The following PEX2 variants were observed in gnomAD, a reference collection of about 807,000 sequenced individuals.
PEX2 encodes peroxisome biogenesis factor 2.
PEX2 carries 19 observed loss-of-function variants against 25.2 expected under a neutral mutation model. The observed-to-expected ratio is 0.75, with a 90% CI of 0.53 to 1.10. PEX2 has a LOEUF of 1.10. Ranked by LOEUF, PEX2 falls within the 50% of genes least tolerant of loss-of-function variation. The pLI is 0.00. For synonymous variants in PEX2, 141 were observed against 127.7 expected, an observed-to-expected ratio of 1.10 and a Z score of -0.70; for missense variants, 347 against 350.6, an observed-to-expected ratio of 0.99 and a Z score of 0.08.
intron 3 of PEX2, among the ~76,000 whole-genome samples, chr8:76,985,789 C>T (rs937964955): frequency 3.3e-5 from 5 of 152,180 alleles, no homozygotes; most frequent in African/African-American, 1.2e-4. Flanking sequence ...TTCGACAAGT[C>T]ATTTCCCCTG....
chr8:76,997,178 T>C (rs1310082947), intron 1 of PEX2, among the ~76,000 whole-genome samples: 2 of 152,188 alleles, frequency 1.3e-5, no homozygotes, highest in African/African-American at 4.8e-5. Flanking sequence ...TCACTATACA[T>C]GTGGTCAAAG....
At chr8:76,992,319 T>C (rs1266978769) in intron 1 of PEX2, among the ~76,000 whole-genome samples, 2 of 152,208 alleles carry the variant, frequency 1.3e-5, no homozygotes, top group African/African-American at 4.8e-5. Flanking sequence ...TTACAATATT[T>C]GACTCTAGGG....
chr8:76,981,868 C>CT lies in PEX2; in HGVS notation c.*1392dup, dbSNP rs1341611672. 6.6e-6 allele frequency: 1 copy of CT among 152,176 alleles called. No homozygotes were observed. The highest frequency in any genetic ancestry group is 1.5e-5 in the Non-Finnish European group (1 of 68,024). The allele number at this position is 152,176 out of a possible 1,614,324, so 9.4% of individuals were successfully genotyped here. ...AATACTCTTAACTCAAACTACAAAA[C>CT]TTCTTCAGTATCTTACACTAAATTG... On this transcript the variant is annotated 3_prime_UTR_variant, in exon 4 of 4. Transcript: ENST00000357039.
chr8:76,989,469 T>G (rs1186827666), intron 1 of PEX2, among the ~76,000 whole-genome samples: 1 of 152,162 alleles, frequency 6.6e-6, no homozygotes, highest in East Asian at 1.9e-4. Context: ...GTTTTCAATT[T>G]ACTTTGCCCA....
At chr8:76,985,643 A>C (rs1806980508) in intron 3 of PEX2, among the ~76,000 whole-genome samples, 1 of 152,216 alleles carries the variant, frequency 6.6e-6, no homozygotes, top group Admixed American at 6.5e-5. Context: ...CAAAAAAATT[A>C]AAATGGGCTA....
In PEX2 at chr8:76,983,922, T is replaced by C. The variant is rs754127143; in HGVS notation, c.257A>G (p.Lys86Arg). The change falls in exon 4 of 4, where the codon AAA becomes AGA. Residue 86 changes from lysine (K) to arginine (R), a missense_variant. Physicochemically the swap from Lys to Arg is conservative, Grantham distance 26. Coordinates refer to ENST00000357039, the MANE Select transcript of PEX2 (RefSeq NM_000318.3). ...TCTCAGGTTAGGGGAAAAATCATTT[T>C]TGTACTTAATATTCAAAACTGACTG... ...VGQSVLNIKY[K>R]NDFSPNLRYQ... is the part of the protein sequence containing the mutation. 6 of 1,614,218 alleles carry C rather than the reference T, an allele frequency of 3.7e-6. No individual in the cohort carries two copies. The highest frequency in any genetic ancestry group is 2.2e-5 in the East Asian group (1 of 44,886).
rs1806940857 is a variant in PEX2 at position 76,984,276 on chromosome 8, C to A, written c.-17-81G>T. On this transcript the variant is annotated intron_variant, in intron 3 of 3. Transcript: ENST00000357039. ...TCCTCAACTTATGCCTGGAAACTGT[C>A]ATACACAAATTACACAGGACACATA... is the stretch of plus-strand genomic sequence containing the variant. 20 of 1,150,560 alleles carry A rather than the reference C, an allele frequency of 1.7e-5. No homozygotes were observed. In the East Asian group the frequency reaches 4.4e-4, roughly 26 times the overall value. The allele number at this position is 1,150,560 out of a possible 1,614,324, so 71.3% of individuals were successfully genotyped here. A position where few individuals can be genotyped will look rare whatever the true frequency, so the allele number is the denominator to read the frequency against.
intron 1 of PEX2, among the ~76,000 whole-genome samples, chr8:76,995,739 A>G (rs754063036): frequency 1.3e-5 from 2 of 152,182 alleles, no homozygotes; most frequent in South Asian, 2.1e-4. Flanking sequence ...CAGAAACCTG[A>G]TACTTCTGAG....
rs1563603886 is a variant in PEX2, at chr8:76,980,801, A to G, written c.*2460T>C. The G allele has an allele frequency of 6.6e-6, 1 of 152,226 alleles. No homozygotes were observed. Among genetic ancestry groups the G allele is most frequent in the Non-Finnish European group, 1.5e-5 (1 of 68,038 alleles). 9.4% of individuals were successfully genotyped at this position (152,226 alleles called of 1,614,324 possible). A position where few individuals can be genotyped will look rare whatever the true frequency, so the allele number is the denominator to read the frequency against. ...GCACTACTATTATATTCTATTTACT[A>G]TGTGTCAGGCATTGTTTTAAGAGCT... is the stretch of plus-strand genomic sequence containing the variant. On this transcript the variant is annotated 3_prime_UTR_variant, in exon 4 of 4. Transcript: ENST00000357039.
chr8:76,991,074 G>A (rs961707789), intron 1 of PEX2, among the ~76,000 whole-genome samples: 5 of 152,150 alleles, frequency 3.3e-5, no homozygotes, highest in African/African-American at 7.2e-5. Flanking sequence ...CAAACTATGC[G>A]TTTCTCAGAA....
At chr8:76,985,301 G>C (rs1257893713) in intron 3 of PEX2, among the ~76,000 whole-genome samples, 1 of 152,114 alleles carries the variant, frequency 6.6e-6, no homozygotes, top group East Asian at 1.9e-4. Flanking sequence ...GGTTGGTAGG[G>C]GCTGGGAGGG....
At chr8:76,990,652 A>T (rs1807144016) in intron 1 of PEX2, among the ~76,000 whole-genome samples, 1 of 152,112 alleles carries the variant, frequency 6.6e-6, no homozygotes, top group African/African-American at 2.4e-5. Context: ...AACACCCAAT[A>T]TTTGTTAAGT....
intron 1 of PEX2, among the ~76,000 whole-genome samples, chr8:76,999,268 A>G (rs1005711994): frequency 2.6e-5 from 4 of 152,184 alleles, no homozygotes; most frequent in Non-Finnish European, 5.9e-5. Context: ...AGTTTAACAG[A>G]ATGTGTTAGA....
chr8:76,998,404 A>G (rs1348094381), intron 1 of PEX2, among the ~76,000 whole-genome samples: 3 of 152,244 alleles, frequency 2.0e-5, no homozygotes, highest in Admixed American at 6.5e-5. Flanking sequence ...GATATGGAGA[A>G]GAAGGAATAA....
chr8:76,982,134 C>G lies in PEX2; in HGVS notation c.*1127G>C, dbSNP rs540392915. The G allele has an allele frequency of 2.0e-5, 3 of 152,098 alleles. No homozygotes were observed. In the East Asian group the frequency reaches 5.8e-4, roughly 29 times the overall value. 9.4% of individuals were successfully genotyped at this position (152,098 alleles called of 1,614,324 possible). ...TTTTTAAAAAACATTCTAGTTAAGA[C>G]GAGATAATTCAATGTTCAAGCTAAT... On this transcript the variant is annotated 3_prime_UTR_variant, in exon 4 of 4. Coordinates refer to ENST00000357039, the MANE Select transcript of PEX2 (RefSeq NM_000318.3).
chr8:77,000,351 G>A, upstream of PEX2: 2 of 185,702 alleles, frequency 1.1e-5, no homozygotes, highest in Admixed American at 7.4e-5. Context: ...CCGGGTCAGG[G>A]GCCGCAAGTG....
chr8:76,991,055 T>C (rs527630410), intron 1 of PEX2, among the ~76,000 whole-genome samples: 1 of 152,350 alleles, frequency 6.6e-6, no homozygotes, highest in African/African-American at 2.4e-5. Flanking sequence ...CGCACAATGA[T>C]GAAATCATCA....
At chr8:76,997,232 T>C (rs751453087) in intron 1 of PEX2, among the ~76,000 whole-genome samples, 4 of 152,216 alleles carry the variant, frequency 2.6e-5, no homozygotes, top group Non-Finnish European at 4.4e-5. Context: ...AAGGAATAGA[T>C]GAGTGAAAAA....
rs1007296563 is a variant in PEX2, at chr8:76,981,320, G to C, written c.*1941C>G. 90 of 152,268 alleles carry C rather than the reference G, an allele frequency of 5.9e-4. No individual in the cohort carries two copies. Among genetic ancestry groups the C allele is most frequent in the African/African-American group, 2.0e-3 (85 of 41,526 alleles). The allele number at this position is 152,268 out of a possible 1,614,324, so 9.4% of individuals were successfully genotyped here. A position where few individuals can be genotyped will look rare whatever the true frequency, so the allele number is the denominator to read the frequency against. On this transcript the variant is annotated 3_prime_UTR_variant, in exon 4 of 4. Transcript: ENST00000357039. ...ACCTCATCTCTACAAAAATTAGCCA[G>C]GCATGGTGGTATGGGCCTGTGGTCC...
Sources: allele counts gnomAD v4.1 joint callset (sites outside exome capture counted in the v4.1 genomes callset), GRCh38; gene constraint gnomAD v4.1.1; transcripts MANE v1.5; gene names NCBI Gene and HGNC (gene_info 2026-07-23, HGNC 2026-07-21).